The following SPNS2 variants were observed in gnomAD, a reference collection of about 807,000 sequenced individuals.
The protein encoded by SPNS2 is SPNS lysolipid transporter 2, sphingosine-1-phosphate.
In SPNS2, 37 loss-of-function variants were observed where a neutral mutation model predicts 57.6. The observed-to-expected ratio is 0.64, with a 90% CI of 0.49 to 0.85. The LOEUF (loss-of-function observed/expected upper bound fraction) is 0.85, where lower values mean the gene tolerates loss of function less well. SPNS2 is among the 40% of genes least tolerant of loss of function. The pLI is 0.00. For missense variants in SPNS2, 831 were observed against 779.1 expected, an observed-to-expected ratio of 1.07 and a Z score of -0.79; for synonymous variants, 440 against 346.9, an observed-to-expected ratio of 1.27 and a Z score of -2.98.
chr17:4,532,187 CCTCCATCTATCTCTGTCCATCT>C (rs1905515319), intron 5 of SPNS2, among the ~76,000 whole-genome samples: 1 of 151,880 alleles, frequency 6.6e-6, no homozygotes, highest in Non-Finnish European at 1.5e-5. Context: ...TCCGTCCATC[CCTCCATCTATCTCTGTCCATCT>C]CTCCATCAAC....
chr17:4,500,546 C>G (rs1597356580), intron 1 of SPNS2, among the ~76,000 whole-genome samples: 1 of 151,918 alleles, frequency 6.6e-6, no homozygotes, highest in African/African-American at 2.4e-5. Flanking sequence ...CCAGAACCTG[C>G]GTAACTATAG....
At chr17:4,525,739 C>T (rs893022785) in intron 3 of SPNS2, among the ~76,000 whole-genome samples, 3 of 152,212 alleles carry the variant, frequency 2.0e-5, no homozygotes, top group Non-Finnish European at 4.4e-5. Flanking sequence ...CCTGGAGGAA[C>T]TTAATGTCTC....
In SPNS2 at chr17:4,499,565, C is replaced by T. The variant is rs1433685027; in HGVS notation, c.370+148C>T. 1 of 471,384 alleles carries T rather than the reference C, an allele frequency of 2.1e-6. No homozygotes were observed. Among genetic ancestry groups the T allele is most frequent in the African/African-American group, 2.0e-5 (1 of 49,418 alleles). The allele number at this position is 471,384 out of a possible 1,614,324, so 29.2% of individuals were successfully genotyped here. A position where few individuals can be genotyped will look rare whatever the true frequency, so the allele number is the denominator to read the frequency against. ...TCCCTACGGACCCTCTGCTCAGGCA[C>T]AACTGGGCAAGGGATGCCTCCGTGC... On this transcript the variant is annotated intron_variant, in intron 1 of 12. Coordinates refer to ENST00000329078, the MANE Select transcript of SPNS2 (RefSeq NM_001124758.3). This position sits in a 1 kb window ranked among gnomAD's most constrained non-coding sequence, Gnocchi z 5.2.
At chr17:4,535,949 G>A (rs1905760843) in intron 9 of SPNS2, 127 bp from the exon 10 acceptor site, 4 of 711,654 alleles carry the variant, frequency 5.6e-6, no homozygotes, top group South Asian at 3.6e-5. Context: ...AGGGGAGAGA[G>A]GTGTCAAGAC....
intron 2 of SPNS2, among the ~76,000 whole-genome samples, chr17:4,518,101 AAGG>A (rs1247211485): frequency 6.6e-6 from 1 of 152,208 alleles, no homozygotes; most frequent in East Asian, 1.9e-4. Context: ...GGGAGAACAG[AAGG>A]AGAAGAGGCT....
Position 4,509,995 on chromosome 17 carries a change from C to T in SPNS2, c.371-3252C>T, listed in dbSNP as rs540192813. The stretch of plus-strand genomic sequence containing the variant: ...TCCAGGAAAGAGGCTAAAAATAAGG[C>T]TGTGGTGAAGAAGGGAGGGGTGCGT... On this transcript the variant is annotated intron_variant, in intron 1 of 12. Coordinates refer to ENST00000329078, the MANE Select transcript of SPNS2 (RefSeq NM_001124758.3). Among the ~76,000 whole-genome samples the T allele has an allele frequency of 3.9e-5, 6 of 152,308 alleles. No homozygotes were observed. In the East Asian group the frequency reaches 1.2e-3, roughly 29 times the overall value.
At chr17:4,515,582 C>T (rs908926011) in intron 2 of SPNS2, among the ~76,000 whole-genome samples, 4 of 152,248 alleles carry the variant, frequency 2.6e-5, no homozygotes, top group Admixed American at 1.3e-4. Context: ...GGTGCCCTCA[C>T]CCCTTTGGCC....
intron 1 of SPNS2, among the ~76,000 whole-genome samples, chr17:4,501,068 G>C (rs1278343144): frequency 6.6e-6 from 1 of 152,162 alleles, no homozygotes; most frequent in East Asian, 1.9e-4. Flanking sequence ...TTCACAAAAG[G>C]CTTCTGTACA....
chr17:4,525,625 C>T (rs528079579), intron 3 of SPNS2, among the ~76,000 whole-genome samples: 20 of 152,324 alleles, frequency 1.3e-4, no homozygotes, highest in Middle Eastern at 3.4e-3. Flanking sequence ...GATCGACATC[C>T]CAGAGAAGCA....
At position 4,509,504 on chromosome 17, in the gene SPNS2, C is replaced by A. The variant is rs530190154; in HGVS notation, c.371-3743C>A. Among the ~76,000 whole-genome samples, 94 of 152,332 alleles carry A rather than the reference C, an allele frequency of 6.2e-4. 2 individuals carry two copies. In the South Asian group the frequency reaches 0.018, roughly 29 times the overall value. ...GGAAAGGAACAGCTGGCAGAGGGGA[C>A]AAGTCAGAGCTGTTCTCACCACCAG... On this transcript the variant is annotated intron_variant, in intron 1 of 12. Transcript: ENST00000329078.
At position 4,536,182 on chromosome 17, in the gene SPNS2, G is replaced by A. The variant is rs1205901282; in HGVS notation, c.1443+8G>A. ...CCCTACCTCATTGGCTTTGTGAGTA[G>A]CCCCGGGGTGGGGCTGGCCAGGGCA... is the stretch of plus-strand genomic sequence containing the variant. On this transcript the variant is annotated splice_region_variant and intron_variant, in intron 10 of 12. Transcript: ENST00000329078. 6.2e-6 allele frequency: 10 copies of A among 1,610,740 alleles called. No individual in the cohort carries two copies. Among genetic ancestry groups the A allele is most frequent in the Non-Finnish European group, 6.8e-6 (8 of 1,179,132 alleles).
intron 2 of SPNS2, among the ~76,000 whole-genome samples, chr17:4,524,735 G>GC (rs1383918998): frequency 6.6e-6 from 1 of 152,164 alleles, no homozygotes; most frequent in Non-Finnish European, 1.5e-5. Flanking sequence ...GACATGGTGA[G>GC]CCCCTAGCAT....
chr17:4,533,444 G>A lies in SPNS2; in HGVS notation c.1278+12G>A, dbSNP rs546650305. ...TCGTAGGAGCCTATGTGAGTGCAGC[G>A]GGGGTCAAGGGTGCTGGGGGAGCTG... On this transcript the variant is annotated intron_variant, in intron 8 of 12. Transcript: ENST00000329078. 5.4e-5 allele frequency: 86 copies of A among 1,580,408 alleles called. 1 individual carries two copies. The Admixed American group carries it at 6.5e-4, about 12-fold the overall frequency.
chr17:4,522,963 C>T (rs890756714), intron 2 of SPNS2, among the ~76,000 whole-genome samples: 4 of 152,234 alleles, frequency 2.6e-5, no homozygotes, highest in Non-Finnish European at 4.4e-5. Flanking sequence ...CACCCATGGA[C>T]GTCACAGTCA....
chr17:4,529,811 G>T (rs1366080580), intron 3 of SPNS2, among the ~76,000 whole-genome samples: 1 of 152,192 alleles, frequency 6.6e-6, no homozygotes, highest in Non-Finnish European at 1.5e-5. Flanking sequence ...TGGAAAAAGA[G>T]AGACAAGCAT....
At chr17:4,517,788 TAAAGG>T (rs1460132167) in intron 2 of SPNS2, among the ~76,000 whole-genome samples, 1 of 152,132 alleles carries the variant, frequency 6.6e-6, no homozygotes, top group African/African-American at 2.4e-5. Context: ...TTCAAAGCTC[TAAAGG>T]AAAGGATAGG....
chr17:4,500,257 T>G (rs1406556546), intron 1 of SPNS2, among the ~76,000 whole-genome samples: 1 of 152,192 alleles, frequency 6.6e-6, no homozygotes, highest in East Asian at 1.9e-4. Flanking sequence ...GCTTGGTGTG[T>G]GACCTTGGGC....
chr17:4,536,054 G>A (rs1905770898), intron 9 of SPNS2, 22 bp from the exon 10 acceptor site: 1 of 1,603,776 alleles, frequency 6.2e-7, no homozygotes, highest in Non-Finnish European at 8.5e-7. Context: ...TCTGGCCGCT[G>A]ACCTGCCCGC....
chr17:4,507,582 T>C (rs1904715880), intron 1 of SPNS2, among the ~76,000 whole-genome samples: 1 of 152,162 alleles, frequency 6.6e-6, no homozygotes, highest in Admixed American at 6.5e-5. Context: ...ACAGAGAGGT[T>C]ATGTTATTTC....
Sources: allele counts gnomAD v4.1 joint callset (sites outside exome capture counted in the v4.1 genomes callset), GRCh38; gene constraint gnomAD v4.1.1; non-coding constraint Gnocchi (gnomAD v3.1); transcripts MANE v1.5; gene names NCBI Gene and HGNC (gene_info 2026-07-23, HGNC 2026-07-21).